The following CYP4F8 variants were observed in gnomAD, a reference collection of about 807,000 sequenced individuals.
CYP4F8 encodes the protein cytochrome P450 family 4 subfamily F member 8, also known as cytochrome P450 4F8.
Under a neutral mutation model 55.0 loss-of-function variants are expected in CYP4F8, and 56 were observed. That is an observed-to-expected ratio of 1.02 (90% confidence interval 0.82 to 1.27). CYP4F8 has a LOEUF of 1.27. Among genes scored for constraint, CYP4F8 ranks in the 50% most tolerant of loss-of-function variants. The pLI is 0.00. For synonymous variants in CYP4F8, 288 were observed against 267.3 expected (o/e 1.08, Z -0.76); for missense variants, 680 against 682.4 (o/e 1.00, Z 0.04).
At position 15,623,348 on chromosome 19, in the gene CYP4F8, CT is replaced by C. The variant is rs1336673765; in HGVS notation, c.894del (p.Phe298LeufsTer7). 5 of 1,614,036 alleles carry C rather than the reference CT, an allele frequency of 3.1e-6. No individual in the cohort carries two copies. Among genetic ancestry groups the C allele is most frequent in the Non-Finnish European group, 4.2e-6 (5 of 1,180,018 alleles). Reference sequence around the variant, plus strand: ...CCAAGGCCAAGTCCAAGACTTTGGACTTTATTGATGTGCTCCTGCTGAGCGA... The same window carrying C: ...CCAAGGCCAAGTCCAAGACTTTGGACTTATTGATGTGCTCCTGCTGAGCGA... Reference protein sequence around the residue: ...QAKAKSKTLDFIDVLLLSEDK... With the variant: ...QAKAKSKTLDXIDVLLLSEDK... On this transcript the variant is annotated frameshift_variant, in exon 7 of 13. Transcript: ENST00000612078. LOFTEE classifies it high-confidence loss of function.
intron 3 of CYP4F8, 159 bp from the exon 4 acceptor site, chr19:15,619,331 T>A: frequency 1.3e-6 from 1 of 751,994 alleles, no homozygotes; most frequent in South Asian, 1.8e-5. Flanking sequence ...GTCCCCTTTA[T>A]GCCCCCCACC....
intron 3 of CYP4F8, 48 bp from the exon 4 acceptor site, chr19:15,619,442 C>T (rs925755778): frequency 3.7e-6 from 6 of 1,609,796 alleles, no homozygotes; most frequent in African/African-American, 1.3e-5. Flanking sequence ...ACCCAAAGTC[C>T]CTCCTCTATT....
At chr19:15,615,895 C>A in intron 2 of CYP4F8, 81 bp downstream of exon 2, 2 of 718,458 alleles carry the variant, frequency 2.8e-6, no homozygotes, top group African/African-American at 2.5e-5. Flanking sequence ...GGGCTCGGGT[C>A]TGGGACGGCA....
rs1053965960 is a variant in CYP4F8, at chr19:15,623,436, T to C, written c.918+61T>C. 3.1e-5 allele frequency: 50 copies of C among 1,593,868 alleles called. No individual in the cohort carries two copies. In the Admixed American group the frequency reaches 6.5e-4, roughly 21 times the overall value. Reference sequence around the variant, plus strand: ...ATGGAGCTTCAGGTCAAATGTCAGATTGAAGGACCGGACTTGATACAGAGG... The same window carrying C: ...ATGGAGCTTCAGGTCAAATGTCAGACTGAAGGACCGGACTTGATACAGAGG... On this transcript the variant is annotated intron_variant, in intron 7 of 12. Coordinates refer to ENST00000612078, the MANE Select transcript of CYP4F8 (RefSeq NM_007253.4).
chr19:15,615,636 C>G lies in CYP4F8; in HGVS notation c.20C>G (p.Ser7Cys). ...TGCAGGATGTCGCTGCTGAGCCTGT[C>G]TTGGCTGGGCCTCAGGCCGGTGGCA... MSLLSL[S>C]WLGLRPVAAS... Residue 7 changes from serine (S) to cysteine (C), a missense_variant, in exon 2 of 13, where the codon TCT (serine) becomes TGT (cysteine). Coordinates refer to ENST00000612078, the MANE Select transcript of CYP4F8 (RefSeq NM_007253.4). 1 of 1,613,808 alleles carries G rather than the reference C, an allele frequency of 6.2e-7. No homozygotes were observed. The highest frequency in any genetic ancestry group is 8.5e-7 in the Non-Finnish European group (1 of 1,179,884).
In CYP4F8 at chr19:15,622,417, CAAG is replaced by C. The variant is rs1283287985; in HGVS notation, c.647+82_647+84del. The C allele has an allele frequency of 2.5e-6, 4 of 1,574,192 alleles. 1 individual carries two copies. The highest frequency in any genetic ancestry group is 1.9e-5 in the Admixed American group (1 of 53,926). On this transcript the variant is annotated intron_variant, in intron 6 of 12. Coordinates refer to ENST00000612078, the MANE Select transcript of CYP4F8 (RefSeq NM_007253.4). ...GTGGGGAGAGCAAAGCCCAGGGAGACAAGAAGAGCCTTCCTGGAGAGATGATGA... is the reference window on the plus strand; with the variant it reads ...GTGGGGAGAGCAAAGCCCAGGGAGACAAGAGCCTTCCTGGAGAGATGATGA...
intron 1 of CYP4F8, 96 bp downstream of exon 1, chr19:15,615,376 G>T: frequency 2.3e-6 from 1 of 429,576 alleles, no homozygotes; most frequent in Non-Finnish European, 4.1e-6. Context: ...GTGCTTGCAG[G>T]TAACCAGAGG....
At chr19:15,626,419 A>G (rs1334673345) in intron 9 of CYP4F8, among the ~76,000 whole-genome samples, 1 of 152,176 alleles carries the variant, frequency 6.6e-6, no homozygotes, top group African/African-American at 2.4e-5. Flanking sequence ...GTGAAGTGGT[A>G]CCTCGTTGTC....
intron 9 of CYP4F8, among the ~76,000 whole-genome samples, chr19:15,626,246 G>T (rs1364748358): frequency 2.6e-5 from 4 of 152,178 alleles, no homozygotes; most frequent in Non-Finnish European, 5.9e-5. Context: ...GAACCAGCTT[G>T]CTGGGCTGTA....
Position 15,628,531 on chromosome 19 carries a change from G to T in CYP4F8, c.1250G>T (p.Gly417Val). ...CTTACTGTCCTCTCCTGCACGACAG[G>T]GAATGTCTGTAACATCAACATCTTC... is the stretch of plus-strand genomic sequence containing the variant. ...VLPDSRVIPKGNVCNINIFAI... is the reference protein window; with the variant it reads ...VLPDSRVIPKVNVCNINIFAI... The change falls in exon 11 of 13, where the codon GGG (glycine) becomes GTG (valine). Residue 417 changes from glycine to valine, a missense_variant and splice_region_variant. Physicochemically the swap from Gly to Val is moderately radical, Grantham distance 109. Coordinates refer to ENST00000612078, the MANE Select transcript of CYP4F8 (RefSeq NM_007253.4). 2 of 1,613,874 alleles carry T rather than the reference G, an allele frequency of 1.2e-6. No individual in the cohort carries two copies. The highest frequency in any genetic ancestry group is 1.7e-6 in the Non-Finnish European group (2 of 1,179,838).
In CYP4F8 at chr19:15,617,965, G is replaced by A. The variant is rs781180647; in HGVS notation, c.199-35G>A. 4.4e-6 allele frequency: 7 copies of A among 1,606,654 alleles called. No individual in the cohort carries two copies. The South Asian group carries it at 7.8e-5, about 18-fold the overall frequency. On this transcript the variant is annotated intron_variant, in intron 2 of 12. Transcript: ENST00000612078. ...GGGCATCCCTTAACCCAGTCAAGTGGACACAGGAGGTGATGGCCCTTGCCT... is the reference window on the plus strand; with the variant it reads ...GGGCATCCCTTAACCCAGTCAAGTGAACACAGGAGGTGATGGCCCTTGCCT...
intron 12 of CYP4F8, 148 bp downstream of exon 12, chr19:15,628,991 G>A (rs1972300420): frequency 8.1e-7 from 1 of 1,235,022 alleles, no homozygotes; most frequent in Admixed American, 2.8e-5. Flanking sequence ...AGAGCCTCCT[G>A]CCCCGTCTGG....
chr19:15,623,875 A>G, intron 8 of CYP4F8, 90 bp from the exon 9 acceptor site: 7 of 1,595,878 alleles, frequency 4.4e-6, no homozygotes, highest in Non-Finnish European at 6.0e-6. Context: ...CCTCCCCTCA[A>G]CCTTCCTGAG....
At chr19:15,624,401 AGGGCT>A (rs1377703705) in intron 9 of CYP4F8, among the ~76,000 whole-genome samples, 26 of 152,210 alleles carry the variant, frequency 1.7e-4, no homozygotes, top group Admixed American at 3.9e-4. Context: ...GCTGTCCCAC[AGGGCT>A]GCTTGGAGAA....
Position 15,629,570 on chromosome 19 carries a change from T to G in CYP4F8, c.*212T>G, listed in dbSNP as rs1599865877. 6.4e-6 allele frequency: 4 copies of G among 621,538 alleles called. No individual in the cohort carries two copies. Among genetic ancestry groups the G allele is most frequent in the Non-Finnish European group, 1.0e-5 (4 of 388,112 alleles). The allele number at this position is 621,538 out of a possible 1,614,324, so 38.5% of individuals were successfully genotyped here. On this transcript the variant is annotated 3_prime_UTR_variant, in exon 13 of 13. Transcript: ENST00000612078. ...CCAAGATACTCACTGCCTCTCTGGG[T>G]GAGCACAGGAGCCCCGTGCTGAGGG...
chr19:15,615,462 A>T, intron 1 of CYP4F8, 154 bp from the exon 2 acceptor site: 1 of 771,076 alleles, frequency 1.3e-6, no homozygotes, highest in African/African-American at 1.8e-5. Flanking sequence ...ATTTTGTGTC[A>T]CTTCTCCTCT....
Position 15,629,271 on chromosome 19 carries a change from G to A in CYP4F8, c.1476G>A (p.Leu492=), listed in dbSNP as rs368126972. ...LALTLLRFRI[L]PDHREPRRTP... ...TCACGCTGCTGCGCTTCCGCATCCTGCCCGACCACAGGGAGCCACGCAGGA... is the reference window on the plus strand; with the variant it reads ...TCACGCTGCTGCGCTTCCGCATCCTACCCGACCACAGGGAGCCACGCAGGA... Residue 492 remains leucine, a synonymous_variant, in exon 13 of 13, where the codon CTG becomes CTA. Transcript: ENST00000612078. 1.2e-6 allele frequency: 2 copies of A among 1,613,288 alleles called. No homozygotes were observed. The highest frequency in any genetic ancestry group is 1.7e-6 in the Non-Finnish European group (2 of 1,179,690).
chr19:15,627,631 G>A (rs192766940), intron 9 of CYP4F8: 3 of 152,250 alleles, frequency 2.0e-5, no homozygotes, highest in African/African-American at 7.2e-5. Context: ...TACAACATAT[G>A]GTCATCCCAC....
At chr19:15,616,767 C>T (rs1422214898) in intron 2 of CYP4F8, among the ~76,000 whole-genome samples, 1 of 152,216 alleles carries the variant, frequency 6.6e-6, no homozygotes, top group African/African-American at 2.4e-5. Context: ...GTGACTTCCT[C>T]TTTAAAGTTA....
Sources: gnomAD v4.1 joint callset for allele counts (sites outside exome capture counted in the v4.1 genomes callset) on GRCh38, gnomAD v4.1.1 for gene constraint, MANE v1.5 for transcripts, NCBI Gene and HGNC (gene_info 2026-07-23, HGNC 2026-07-21) for gene names.